Variants in SHQ1 observed in about 807,000 individuals in gnomAD.
SHQ1 encodes the protein protein SHQ1 homolog.
Under a neutral mutation model 53.8 loss-of-function variants are expected in SHQ1, and 49 were observed. The observed-to-expected ratio is 0.91, with a 90% CI of 0.72 to 1.16. The LOEUF (loss-of-function observed/expected upper bound fraction) is 1.16, where lower values mean the gene tolerates loss of function less well. Ranked by LOEUF, SHQ1 falls within the 50% of genes most tolerant of loss-of-function variation. The pLI is 0.00. For synonymous variants in SHQ1, 243 were observed against 251.0 expected, an observed-to-expected ratio of 0.97 and a Z score of 0.30; for missense variants, 738 against 683.1, an observed-to-expected ratio of 1.08 and a Z score of -0.90.
chr3:72,773,421 G>T, intron 10 of SHQ1: 2 of 419,548 alleles, frequency 4.8e-6, no homozygotes, highest in South Asian at 2.1e-5. Context: ...GTAGATGAGT[G>T]AAATCCCCAT....
chr3:72,747,171 T>C (rs528025814), downstream of SHQ1, among the ~76,000 whole-genome samples: 7 of 152,306 alleles, frequency 4.6e-5, no homozygotes, highest in East Asian at 1.2e-3. Flanking sequence ...TCAAAGCAAA[T>C]TGGTTTATCT....
intron 4 of SHQ1, among the ~76,000 whole-genome samples, chr3:72,836,253 G>C (rs754555170): frequency 8.5e-5 from 13 of 152,200 alleles, no homozygotes; most frequent in Non-Finnish European, 1.5e-4. Context: ...ACTTTGGGAG[G>C]CCAAGGCGGG....
chr3:72,760,268 G>T (rs1400190237), intron 10 of SHQ1, among the ~76,000 whole-genome samples: 1 of 152,182 alleles, frequency 6.6e-6, no homozygotes, highest in East Asian at 1.9e-4. Context: ...GGATGGGAAA[G>T]ATGCTGGGAA....
intron 10 of SHQ1, among the ~76,000 whole-genome samples, chr3:72,764,024 ACAC>A (rs1043912467): frequency 1.3e-5 from 2 of 151,742 alleles, no homozygotes; most frequent in African/African-American, 4.8e-5. Context: ...AAAAAAAAAG[ACAC>A]CACTAAAAAT....
chr3:72,741,786 C>T, the SHQ1 span, among the ~76,000 whole-genome samples: 21 of 151,944 alleles, frequency 1.4e-4, 1 homozygote, highest in Non-Finnish European at 3.1e-4. Context: ...TTCAACCAAC[C>T]ACAGACTGAA....
chr3:72,837,262 G>T (rs966075717), intron 4 of SHQ1, among the ~76,000 whole-genome samples: 1 of 152,122 alleles, frequency 6.6e-6, no homozygotes, highest in African/African-American at 2.4e-5. Flanking sequence ...AGTGGAGGGA[G>T]GAATGTTCAA....
At chr3:72,761,651 T>C (rs1705611653) in intron 10 of SHQ1, among the ~76,000 whole-genome samples, 1 of 152,166 alleles carries the variant, frequency 6.6e-6, no homozygotes, top group Non-Finnish European at 1.5e-5. Flanking sequence ...GCTTTCTAAG[T>C]ATTTCACATG....
At chr3:72,735,710 G>GAGGAAGGA in the SHQ1 span, among the ~76,000 whole-genome samples, 1,204 of 100,056 alleles carry the variant, frequency 0.012, 10 homozygotes, top group East Asian at 0.028. Context: ...GAGAGAGAGA[G>GAGGAAGGA]AGGAAGGAAG....
At chr3:72,797,356 T>C (rs1706657250) in intron 9 of SHQ1, among the ~76,000 whole-genome samples, 1 of 152,190 alleles carries the variant, frequency 6.6e-6, no homozygotes, top group African/African-American at 2.4e-5. Context: ...TGAGCAAATA[T>C]GTGAGAGCCC....
At chr3:72,846,116 G>C in intron 1 of SHQ1, 1 of 1,182,548 alleles carries the variant, frequency 8.5e-7, no homozygotes, top group Non-Finnish European at 1.2e-6. Context: ...CAACAGGTGA[G>C]CATTCAGAAA....
At chr3:72,806,435 G>GAATTA (rs1322951315) in intron 9 of SHQ1, among the ~76,000 whole-genome samples, 1 of 152,100 alleles carries the variant, frequency 6.6e-6, no homozygotes, top group African/African-American at 2.4e-5. Context: ...CTGGTATGGG[G>GAATTA]AATTAAGCCA....
intron 9 of SHQ1, chr3:72,794,024 T>C (rs191951789): frequency 1.5e-3 from 227 of 152,300 alleles, no homozygotes; most frequent in African/African-American, 5.3e-3. Context: ...CTTCATGATA[T>C]TTCCTGAAAT....
chr3:72,749,239 T>C (rs1013667310), downstream of SHQ1: 5 of 208,262 alleles, frequency 2.4e-5, no homozygotes, highest in Admixed American at 3.0e-4. Flanking sequence ...TCTCAGGTAT[T>C]TGACTAAAGA....
chr3:72,798,771 G>T (rs1706702487), intron 9 of SHQ1, among the ~76,000 whole-genome samples: 1 of 152,238 alleles, frequency 6.6e-6, no homozygotes, highest in African/African-American at 2.4e-5. Flanking sequence ...TCCATCTCTA[G>T]GAGATGATCA....
At chr3:72,741,722 T>G in the SHQ1 span, among the ~76,000 whole-genome samples, 3 of 152,134 alleles carry the variant, frequency 2.0e-5, no homozygotes, top group Admixed American at 6.6e-5. Flanking sequence ...GTCTCTTCTG[T>G]AATTCAAGGG....
chr3:72,770,910 AG>A (rs1385597028), intron 10 of SHQ1, among the ~76,000 whole-genome samples: 2 of 152,244 alleles, frequency 1.3e-5, no homozygotes, highest in African/African-American at 4.8e-5. Flanking sequence ...CCCTTGGACT[AG>A]CCCGCACCTG....
At position 72,826,328 on chromosome 3, in the gene SHQ1, G is replaced by A. The variant is rs570317121; in HGVS notation, c.600-1777C>T. Among the ~76,000 whole-genome samples, 3 of 152,300 alleles carry A rather than the reference G, an allele frequency of 2.0e-5. No homozygotes were observed. In the South Asian group the frequency reaches 6.2e-4, roughly 32 times the overall value. On this transcript the variant is annotated intron_variant, in intron 5 of 10. Coordinates refer to ENST00000325599, the MANE Select transcript of SHQ1 (RefSeq NM_018130.3). ...GCTATCTCTTTCTCCTTAAAGTGAA[G>A]GAACTCTTTTGAATTGAAGTTCTAC... is the stretch of plus-strand genomic sequence containing the variant.
chr3:72,842,395 A>C lies in SHQ1; in HGVS notation c.216T>G (p.Phe72Leu). 1.9e-6 allele frequency: 3 copies of C among 1,613,038 alleles called. No homozygotes were observed. The highest frequency in any genetic ancestry group is 1.7e-6 in the Non-Finnish European group (2 of 1,179,348). The change falls in exon 3 of 11, where the codon TTT becomes TTG. Residue 72 changes from phenylalanine to leucine, a missense_variant. Phe to Leu is a conservative substitution (Grantham distance 22, BLOSUM62 0). Transcript: ENST00000325599. The stretch of plus-strand genomic sequence containing the variant: ...GGGTTTCTTTGGGCAGGCGAATGGT[A>C]AAAATTCCTTAAAGATAAATTTGTT... ...QGSYDADKGIFTIRLPKETPG... is the reference protein window; with the variant it reads ...QGSYDADKGILTIRLPKETPG...
At chr3:72,818,252 G>A (rs1456401913) in intron 6 of SHQ1, among the ~76,000 whole-genome samples, 1 of 152,028 alleles carries the variant, frequency 6.6e-6, no homozygotes, top group Non-Finnish European at 1.5e-5. Flanking sequence ...TTGTAAAGGA[G>A]TATAATATTC....
Sources: gnomAD v4.1 joint callset for allele counts (sites outside exome capture counted in the v4.1 genomes callset) on GRCh38, gnomAD v4.1.1 for gene constraint, MANE v1.5 for transcripts, NCBI Gene and HGNC (gene_info 2026-07-23, HGNC 2026-07-21) for gene names.